Variants in RHOU observed in about 807,000 individuals in gnomAD.
RHOU encodes the protein ras homolog family member U.
A neutral mutation model predicts 12.6 loss-of-function variants in RHOU; 8 were observed. The observed-to-expected ratio is 0.64, with a 90% confidence interval of 0.37 to 1.15. The LOEUF (loss-of-function observed/expected upper bound fraction) is 1.15. Among genes scored for constraint, RHOU ranks in the 50% most tolerant of loss-of-function variants. The probability of loss-of-function intolerance (pLI) is 0.01; values close to 1 mark genes in which losing one functional copy is unlikely to be tolerated. For missense variants in RHOU, 258 were observed against 347.0 expected (o/e 0.74, Z 2.04); for synonymous variants, 161 against 147.4 (o/e 1.09, Z -0.67).
chr1:228,704,806 T>C, the RHOU span, among the ~76,000 whole-genome samples: 1 of 151,954 alleles, frequency 6.6e-6, no homozygotes, highest in Non-Finnish European at 1.5e-5. Flanking sequence ...TTTTGTTTGC[T>C]TGTTTGTTTG....
the RHOU span, among the ~76,000 whole-genome samples, chr1:228,683,449 A>C: frequency 6.6e-6 from 1 of 152,340 alleles, no homozygotes; most frequent in Middle Eastern, 3.4e-3. Flanking sequence ...GAGATTTTAC[A>C]TATGATATAT....
the RHOU span, among the ~76,000 whole-genome samples, chr1:228,678,033 G>C: frequency 6.6e-6 from 1 of 152,134 alleles, no homozygotes; most frequent in Non-Finnish European, 1.5e-5. Flanking sequence ...CTGACTCGGG[G>C]CATGTGAGTA....
At chr1:228,700,466 G>T in the RHOU span, among the ~76,000 whole-genome samples, 3 of 152,072 alleles carry the variant, frequency 2.0e-5, no homozygotes, top group Admixed American at 1.3e-4. Context: ...AAGAATTTTT[G>T]TCAGAGTCCT....
At chr1:228,673,207 T>TTC in the RHOU span, among the ~76,000 whole-genome samples, 1 of 152,324 alleles carries the variant, frequency 6.6e-6, no homozygotes, top group East Asian at 1.9e-4. Context: ...TCCTAATCTT[T>TTC]TCTTCACGGG....
the RHOU span, among the ~76,000 whole-genome samples, chr1:228,674,742 T>A: frequency 3.3e-5 from 5 of 151,460 alleles, no homozygotes; most frequent in Non-Finnish European, 7.4e-5. Flanking sequence ...AATTTTTTTT[T>A]ATTTTTAAGA....
upstream of RHOU, among the ~76,000 whole-genome samples, chr1:228,734,680 T>C (rs896842834): frequency 1.3e-5 from 2 of 152,200 alleles, no homozygotes; most frequent in Non-Finnish European, 2.9e-5. Context: ...CCCCCAGGAC[T>C]CTTGGTATTC....
chr1:228,682,125 A>G, the RHOU span, among the ~76,000 whole-genome samples: 1 of 152,194 alleles, frequency 6.6e-6, no homozygotes, highest in Non-Finnish European at 1.5e-5. Flanking sequence ...TCTCTATTAG[A>G]GAGGAAAAAT....
rs1371474915 is a variant in RHOU at position 228,745,680 on chromosome 1, G to T, written c.*1940G>T. The stretch of plus-strand genomic sequence containing the variant: ...ATGATTTGTGGAAATGCTTAAAATA[G>T]ACCTAACTGAATACAGTCTCATCTT... On this transcript the variant is annotated 3_prime_UTR_variant, in exon 3 of 3. Coordinates refer to ENST00000366691, the MANE Select transcript of RHOU (RefSeq NM_021205.6). 1 of 152,154 alleles carries T rather than the reference G, an allele frequency of 6.6e-6. No individual in the cohort carries two copies. Among genetic ancestry groups the T allele is most frequent in the Non-Finnish European group, 1.5e-5 (1 of 68,046 alleles). The allele number at this position is 152,154 out of a possible 1,614,324, so 9.4% of individuals were successfully genotyped here. A position where few individuals can be genotyped will look rare whatever the true frequency, so the allele number is the denominator to read the frequency against.
chr1:228,660,808 C>T, the RHOU span, among the ~76,000 whole-genome samples: 3 of 151,696 alleles, frequency 2.0e-5, no homozygotes, highest in African/African-American at 7.3e-5. Flanking sequence ...TGGTGCATGC[C>T]TGTAATCCCA....
At chr1:228,688,865 A>C in the RHOU span, among the ~76,000 whole-genome samples, 2 of 152,206 alleles carry the variant, frequency 1.3e-5, no homozygotes, top group African/African-American at 4.8e-5. Context: ...TTGTCAGTTT[A>C]GCTGAGTGTG....
At chr1:228,707,105 C>CAT in the RHOU span, among the ~76,000 whole-genome samples, 4,666 of 70,510 alleles carry the variant, frequency 0.066, 241 homozygotes, top group African/African-American at 0.093. Flanking sequence ...TATATACATA[C>CAT]ATATATATAT....
the RHOU span, chr1:228,687,642 A>T: frequency 6.4e-7 from 1 of 1,556,244 alleles, no homozygotes; most frequent in Non-Finnish European, 8.8e-7. Context: ...CAAACTGGCC[A>T]CTGACAAAAA....
At chr1:228,706,053 A>T in the RHOU span, among the ~76,000 whole-genome samples, 2 of 151,256 alleles carry the variant, frequency 1.3e-5, no homozygotes, top group African/African-American at 4.9e-5. Flanking sequence ...TTCAAAAAAC[A>T]AAAAAAAAGA....
the RHOU span, among the ~76,000 whole-genome samples, chr1:228,664,369 A>G: frequency 6.6e-6 from 1 of 152,042 alleles, no homozygotes; most frequent in Non-Finnish European, 1.5e-5. Flanking sequence ...TAAGCTTCCA[A>G]GTGGCTCATT....
the RHOU span, chr1:228,687,800 C>A: frequency 7.5e-7 from 1 of 1,325,758 alleles, no homozygotes; most frequent in Non-Finnish European, 1.1e-6. Context: ...ACAAGCACAC[C>A]CTGGGGGACA....
chr1:228,659,626 G>A, the RHOU span, among the ~76,000 whole-genome samples: 2 of 151,512 alleles, frequency 1.3e-5, no homozygotes, highest in Non-Finnish European at 2.9e-5. Context: ...GAAAAAAAGA[G>A]AGAAGACTCA....
At chr1:228,736,279 AAT>A (rs1491087249) in intron 1 of RHOU, among the ~76,000 whole-genome samples, 15 of 151,800 alleles carry the variant, frequency 9.9e-5, no homozygotes, top group African/African-American at 3.6e-4. Context: ...AAAAAAAAAA[AAT>A]CTCACAATTT....
the RHOU span, among the ~76,000 whole-genome samples, chr1:228,694,683 T>C: frequency 6.6e-6 from 1 of 152,238 alleles, no homozygotes; most frequent in African/African-American, 2.4e-5. Flanking sequence ...TAGTATTCTA[T>C]GGTACATATG....
At chr1:228,699,923 C>A in the RHOU span, among the ~76,000 whole-genome samples, 2 of 151,950 alleles carry the variant, frequency 1.3e-5, no homozygotes, top group Non-Finnish European at 2.9e-5. Flanking sequence ...GCAGAATATA[C>A]CTAAAGTTTT....
Sources: gnomAD v4.1 joint callset for allele counts (sites outside exome capture counted in the v4.1 genomes callset) on GRCh38, gnomAD v4.1.1 for gene constraint, MANE v1.5 for transcripts, NCBI Gene and HGNC (gene_info 2026-07-23, HGNC 2026-07-21) for gene names.